SDK1: variants seen among roughly 807,000 people sequenced by gnomAD.
The protein encoded by SDK1 is protein sidekick-1.
SDK1 carries 157 observed loss-of-function variants against 245.5 expected under a neutral mutation model. The ratio of observed to expected loss-of-function variants is 0.64; its 90% CI spans 0.56 to 0.73. The LOEUF is 0.73. Among genes scored for constraint, SDK1 ranks in the 30% least tolerant of loss-of-function variants. The pLI is 0.00. For missense variants in SDK1, 3,583 were observed against 3,002.3 expected (o/e 1.19, Z -4.52); for synonymous variants, 1,647 against 1,278.5 (o/e 1.29, Z -6.15).
intron 4 of SDK1, among the ~76,000 whole-genome samples, chr7:3,707,508 AGAAG>A (rs1397069365): frequency 6.6e-6 from 1 of 152,202 alleles, no homozygotes; most frequent in African/African-American, 2.4e-5. Context: ...TATGCTGATG[AGAAG>A]AATGTGTATC....
intron 4 of SDK1, among the ~76,000 whole-genome samples, chr7:3,778,042 G>T (rs534235279): frequency 6.6e-6 from 1 of 152,102 alleles, no homozygotes; most frequent in African/African-American, 2.4e-5. Flanking sequence ...GTTTTTGTTG[G>T]TTATTGTCTT....
At chr7:3,988,280 C>A (rs1293015685) in intron 14 of SDK1, among the ~76,000 whole-genome samples, 1 of 151,744 alleles carries the variant, frequency 6.6e-6, no homozygotes, top group African/African-American at 2.4e-5. Context: ...ACCTCCACAC[C>A]CCCTGCATCA....
rs1428692254 is a variant in SDK1, at chr7:3,692,525, T to C, written c.713+50420T>C. ...TGTTGAATAATTTGTATTTTAGTTA[T>C]GTAGCATAAATTATTTGTTTATTTG... On this transcript the variant is annotated intron_variant, in intron 4 of 44. Transcript: ENST00000404826. Among the ~76,000 whole-genome samples, 3 of 152,222 alleles carry C rather than the reference T, an allele frequency of 2.0e-5. No individual in the cohort carries two copies. The South Asian group carries it at 6.2e-4, about 32-fold the overall frequency.
At chr7:3,746,989 A>G (rs929250045) in intron 4 of SDK1, among the ~76,000 whole-genome samples, 1 of 152,254 alleles carries the variant, frequency 6.6e-6, no homozygotes, top group African/African-American at 2.4e-5. Flanking sequence ...ATAGACTTAC[A>G]AAATGCATTT....
chr7:4,189,939 C>T (rs1226570912), intron 35 of SDK1, among the ~76,000 whole-genome samples: 1 of 152,098 alleles, frequency 6.6e-6, no homozygotes, highest in Non-Finnish European at 1.5e-5. Flanking sequence ...ATATGGGTCC[C>T]ACCTTTCTTC....
intron 5 of SDK1, among the ~76,000 whole-genome samples, chr7:3,826,082 C>T (rs977111669): frequency 3.3e-5 from 5 of 152,148 alleles, no homozygotes; most frequent in Admixed American, 6.5e-5. Context: ...ACCTGCTGTA[C>T]GGAGTGAAGT....
chr7:3,353,464 C>A (rs892685176), intron 1 of SDK1, among the ~76,000 whole-genome samples: 2 of 152,142 alleles, frequency 1.3e-5, no homozygotes, highest in Non-Finnish European at 2.9e-5. Flanking sequence ...AGCTGAGTTA[C>A]ATTTATACCA....
intron 5 of SDK1, among the ~76,000 whole-genome samples, chr7:3,894,210 A>G (rs948162737): frequency 4.6e-5 from 7 of 152,214 alleles, no homozygotes; most frequent in African/African-American, 1.2e-4. Flanking sequence ...ATGGTATTAA[A>G]AGTCAAAGCT....
intron 5 of SDK1, among the ~76,000 whole-genome samples, chr7:3,876,600 T>A (rs1390499026): frequency 6.6e-6 from 1 of 152,242 alleles, no homozygotes; most frequent in Admixed American, 6.5e-5. Flanking sequence ...TCTTAAGATA[T>A]TTAGAGTTTA....
intron 5 of SDK1, 144 bp from the exon 6 acceptor site, chr7:3,950,779 C>T (rs1167271534): frequency 3.2e-6 from 2 of 624,108 alleles, no homozygotes; most frequent in Non-Finnish European, 5.8e-6. Flanking sequence ...CATCATACAT[C>T]AGGGACAATT....
chr7:3,706,244 T>A (rs1490654386), intron 4 of SDK1, among the ~76,000 whole-genome samples: 1 of 152,190 alleles, frequency 6.6e-6, no homozygotes, highest in Non-Finnish European at 1.5e-5. Flanking sequence ...TGCTGTTATG[T>A]CTTTCCTGGC....
Position 3,551,086 on chromosome 7 carries a change from A to AT in SDK1, c.299-67986dup, listed in dbSNP as rs1446898373. On this transcript the variant is annotated intron_variant, in intron 1 of 44. Transcript: ENST00000404826. ...AACCTACTTTTACATCCTGCAAACT[A>AT]TTTTTTTTAAATTTTAAAACATTTT... 4.6e-5 allele frequency among the ~76,000 whole-genome samples: 7 copies of AT among 152,134 alleles called. No individual in the cohort carries two copies. In the South Asian group the frequency reaches 6.2e-4, roughly 14 times the overall value.
intron 5 of SDK1, among the ~76,000 whole-genome samples, chr7:3,830,701 G>T (rs865992407): frequency 3.3e-5 from 5 of 152,148 alleles, no homozygotes; most frequent in South Asian, 2.1e-4. Flanking sequence ...TCTGCCCATT[G>T]TTGCCCACGC....
In SDK1 at chr7:3,371,520, A is replaced by G. The variant is rs188718888; in HGVS notation, c.298+69636A>G. ...GGGCCCTAAGGGGGAAAAGACTGAG[A>G]TGAAAACAGAAACATACAAACAAAA... On this transcript the variant is annotated intron_variant, in intron 1 of 44. Transcript: ENST00000404826. Among the ~76,000 whole-genome samples the G allele has an allele frequency of 2.8e-4, 42 of 152,314 alleles. No homozygotes were observed. The East Asian group carries it at 7.7e-3, about 28-fold the overall frequency.
At chr7:4,249,020 C>T (rs930095875) in intron 44 of SDK1, among the ~76,000 whole-genome samples, 1 of 151,882 alleles carries the variant, frequency 6.6e-6, no homozygotes, top group Non-Finnish European at 1.5e-5. Context: ...TACACACATG[C>T]ACACATGCCT....
intron 6 of SDK1, 27 bp from the exon 7 acceptor site, chr7:3,951,703 C>A: frequency 6.2e-7 from 1 of 1,604,472 alleles, no homozygotes; most frequent in Non-Finnish European, 8.5e-7. Context: ...TCACAATCGT[C>A]GTCATGAATG....
intron 5 of SDK1, among the ~76,000 whole-genome samples, chr7:3,923,657 T>C (rs1411853927): frequency 6.6e-6 from 1 of 152,210 alleles, no homozygotes; most frequent in Non-Finnish European, 1.5e-5. Flanking sequence ...GGGAAGTGCC[T>C]ATTTGCTCAC....
intron 5 of SDK1, among the ~76,000 whole-genome samples, chr7:3,850,921 T>C (rs1290357956): frequency 1.3e-5 from 2 of 152,070 alleles, no homozygotes; most frequent in Non-Finnish European, 2.9e-5. Context: ...GACGACTTAA[T>C]AGGTGCAGAA....
At chr7:3,577,816 G>T (rs1780341914) in intron 1 of SDK1, among the ~76,000 whole-genome samples, 2 of 152,112 alleles carry the variant, frequency 1.3e-5, no homozygotes, top group Non-Finnish European at 2.9e-5. Context: ...AGCTTCCTGA[G>T]GGCAGAAACT....
Sources: gnomAD v4.1 joint callset for allele counts (sites outside exome capture counted in the v4.1 genomes callset) on GRCh38, gnomAD v4.1.1 for gene constraint, MANE v1.5 for transcripts, NCBI Gene and HGNC (gene_info 2026-07-23, HGNC 2026-07-21) for gene names.